PTPRT: variants seen among roughly 807,000 people sequenced by gnomAD.
PTPRT encodes the protein receptor-type tyrosine-protein phosphatase T.
Under a neutral mutation model 176.8 loss-of-function variants are expected in PTPRT, and 56 were observed. The observed-to-expected ratio is 0.32, with a 90% CI of 0.26 to 0.40. The LOEUF is 0.40. Ranked by LOEUF, PTPRT falls within the 10% of genes least tolerant of loss-of-function variation. PTPRT has a pLI of 1.00. For missense variants in PTPRT, 1,540 were observed against 1,908.2 expected, an observed-to-expected ratio of 0.81 and a Z score of 3.60; for synonymous variants, 783 against 739.0, an observed-to-expected ratio of 1.06 and a Z score of -0.96.
intron 15 of PTPRT, among the ~76,000 whole-genome samples, chr20:42,216,005 C>T (rs897999500): frequency 2.0e-5 from 3 of 152,216 alleles, no homozygotes; most frequent in Non-Finnish European, 4.4e-5. Flanking sequence ...TAGATGATGA[C>T]CATGAATTCT....
At chr20:43,109,890 G>GT (rs573554352) in intron 1 of PTPRT, among the ~76,000 whole-genome samples, 137 of 152,284 alleles carry the variant, frequency 9.0e-4, no homozygotes, top group African/African-American at 3.2e-3. Context: ...GGGGACCAGT[G>GT]TAATAGAGTG....
At chr20:42,218,542 A>C (rs2146776339) in intron 15 of PTPRT, among the ~76,000 whole-genome samples, 1 of 152,300 alleles carries the variant, frequency 6.6e-6, no homozygotes, top group South Asian at 2.1e-4. Flanking sequence ...ATTTACCCTT[A>C]CTTTCCCTCC....
At chr20:42,093,920 G>T (rs868540558) in intron 27 of PTPRT, among the ~76,000 whole-genome samples, 1 of 152,200 alleles carries the variant, frequency 6.6e-6, no homozygotes, top group African/African-American at 2.4e-5. Flanking sequence ...TTCATCTGCC[G>T]GTTTCAGGGA....
In PTPRT at chr20:42,952,267, C is replaced by T. The variant is rs77288539; in HGVS notation, c.89-66335G>A. ...GCCTGGGCCCATCCATCGCAGTTGGCGCAATCACCAAAATTGAACTTTCAT... is the reference window on the plus strand; with the variant it reads ...GCCTGGGCCCATCCATCGCAGTTGGTGCAATCACCAAAATTGAACTTTCAT... On this transcript the variant is annotated intron_variant, in intron 1 of 30. Transcript: ENST00000373187. Among the ~76,000 whole-genome samples the T allele has an allele frequency of 5.1e-3, 774 of 152,282 alleles. 8 individuals carry two copies. The highest frequency in any genetic ancestry group is 0.018 in the African/African-American group (740 of 41,554).
At position 42,511,042 on chromosome 20, in the gene PTPRT, G is replaced by A. The variant is rs143585533; in HGVS notation, c.1154-38480C>T. On this transcript the variant is annotated intron_variant, in intron 7 of 30. Coordinates refer to ENST00000373187, the MANE Select transcript of PTPRT (RefSeq NM_007050.6). The stretch of plus-strand genomic sequence containing the variant: ...GGGTTATCATGGGAAGGGAACTGAT[G>A]ACTTTGTAAAAAGAGAGAGACCTGA... Among the ~76,000 whole-genome samples, 272 of 152,158 alleles carry A rather than the reference G, an allele frequency of 1.8e-3. 2 individuals are homozygous for A. Among genetic ancestry groups the A allele is most frequent in the African/African-American group, 6.0e-3 (250 of 41,534 alleles).
chr20:42,228,955 C>A (rs948409549), intron 15 of PTPRT, among the ~76,000 whole-genome samples: 8 of 152,172 alleles, frequency 5.3e-5, no homozygotes, highest in Admixed American at 4.6e-4. Flanking sequence ...AAGATATGAG[C>A]CCAGCGCTAT....
intron 6 of PTPRT, among the ~76,000 whole-genome samples, chr20:42,679,242 C>T (rs16987229): frequency 0.079 from 12,009 of 152,036 alleles, 519 homozygotes; most frequent in South Asian, 0.16. Flanking sequence ...TTTAAAATCT[C>T]ACACGTATCA....
intron 1 of PTPRT, among the ~76,000 whole-genome samples, chr20:42,963,202 AAAAAAT>A (rs1465118578): frequency 1.3e-5 from 2 of 151,344 alleles, no homozygotes; most frequent in South Asian, 2.1e-4. Flanking sequence ...CCGTCTCAAA[AAAAAAT>A]AAAAATAAAA....
At chr20:42,880,301 G>A (rs1424434679) in intron 2 of PTPRT, among the ~76,000 whole-genome samples, 2 of 152,132 alleles carry the variant, frequency 1.3e-5, no homozygotes, top group Non-Finnish European at 2.9e-5. Context: ...CTCCAACAGT[G>A]CCTAAAATAT....
At chr20:42,951,478 T>A (rs1464718431) in intron 1 of PTPRT, among the ~76,000 whole-genome samples, 1 of 152,162 alleles carries the variant, frequency 6.6e-6, no homozygotes. Flanking sequence ...AATCTAATCA[T>A]CCATCCATTT....
intron 7 of PTPRT, among the ~76,000 whole-genome samples, chr20:42,587,237 A>G (rs112828448): frequency 0.11 from 16,446 of 152,218 alleles, 3,007 homozygotes; most frequent in African/African-American, 0.38. Flanking sequence ...GGTCCCAAAC[A>G]TGCAATTGCA....
the PTPRT span, among the ~76,000 whole-genome samples, chr20:42,041,763 T>C: frequency 6.6e-6 from 1 of 152,202 alleles, no homozygotes; most frequent in African/African-American, 2.4e-5. Flanking sequence ...TGTAAAGTGA[T>C]TAGAACAAGA....
intron 15 of PTPRT, among the ~76,000 whole-genome samples, chr20:42,201,397 T>C (rs1423737377): frequency 1.3e-5 from 2 of 152,178 alleles, no homozygotes; most frequent in South Asian, 4.1e-4. Flanking sequence ...TCCAGTTTGA[T>C]AGCATCCTCC....
chr20:43,017,474 C>CT (rs1398392492), intron 1 of PTPRT, among the ~76,000 whole-genome samples: 1 of 152,192 alleles, frequency 6.6e-6, no homozygotes, highest in African/African-American at 2.4e-5. Flanking sequence ...GTTTGCACAC[C>CT]TTGTCCCTGT....
chr20:42,324,223 T>C (rs1343701320), intron 11 of PTPRT, among the ~76,000 whole-genome samples: 3 of 152,314 alleles, frequency 2.0e-5, no homozygotes, highest in African/African-American at 4.8e-5. Context: ...ATCTGCAGCA[T>C]GAAGCTCCAA....
intron 1 of PTPRT, among the ~76,000 whole-genome samples, chr20:43,116,696 T>C (rs995515618): frequency 1.3e-5 from 2 of 152,168 alleles, no homozygotes; most frequent in Admixed American, 6.5e-5. Context: ...TTTCCCACTT[T>C]ATTGTAATTG....
intron 2 of PTPRT, among the ~76,000 whole-genome samples, chr20:42,848,803 G>C (rs1298283111): frequency 6.6e-6 from 1 of 152,124 alleles, no homozygotes; most frequent in Non-Finnish European, 1.5e-5. Flanking sequence ...CTGTTCGGAA[G>C]CTTTTCAGTT....
intron 14 of PTPRT, among the ~76,000 whole-genome samples, chr20:42,238,801 T>C (rs1384084684): frequency 6.6e-6 from 1 of 151,860 alleles, no homozygotes; most frequent in Non-Finnish European, 1.5e-5. Flanking sequence ...CTTTCAGGAG[T>C]GGAAATACAA....
intron 13 of PTPRT, chr20:42,270,349 A>C: frequency 6.7e-7 from 1 of 1,503,128 alleles, no homozygotes; most frequent in Non-Finnish European, 9.0e-7. Context: ...GGACCCACTG[A>C]GTGTGGGCAA....
Sources: gnomAD v4.1 joint callset for allele counts (sites outside exome capture counted in the v4.1 genomes callset) on GRCh38, gnomAD v4.1.1 for gene constraint, MANE v1.5 for transcripts, NCBI Gene and HGNC (gene_info 2026-07-23, HGNC 2026-07-21) for gene names.